PHACTR3: variants seen among roughly 807,000 people sequenced by gnomAD.
PHACTR3 encodes the protein phosphatase and actin regulator 3, also known as protein phosphatase 1, regulatory subunit 123.
In PHACTR3, 16 loss-of-function variants were observed where a neutral mutation model predicts 66.8. That is an observed-to-expected ratio of 0.24 (90% CI 0.16 to 0.36). PHACTR3 has a LOEUF of 0.36. Ranked by LOEUF, PHACTR3 falls within the 10% of genes least tolerant of loss-of-function variation. The probability of loss-of-function intolerance (pLI) is 1.00; values close to 1 mark genes in which losing one functional copy is unlikely to be tolerated. For synonymous variants in PHACTR3, 323 were observed against 292.1 expected (o/e 1.11, Z -1.08); for missense variants, 647 against 719.9 (o/e 0.90, Z 1.16).
chr20:59,599,915 G>A (rs1303449644), upstream of PHACTR3, among the ~76,000 whole-genome samples: 2 of 152,110 alleles, frequency 1.3e-5, no homozygotes, highest in Admixed American at 6.5e-5. Flanking sequence ...TGCCCCACAT[G>A]TCCCTTCTCT....
intron 1 of PHACTR3, among the ~76,000 whole-genome samples, chr20:59,617,709 C>T (rs1199169333): frequency 6.6e-6 from 1 of 152,152 alleles, no homozygotes; most frequent in Non-Finnish European, 1.5e-5. Context: ...GAGAATTAAG[C>T]GGCTTCTGTC....
intron 1 of PHACTR3, among the ~76,000 whole-genome samples, chr20:59,642,207 C>T (rs1164022380): frequency 6.6e-6 from 1 of 152,108 alleles, no homozygotes; most frequent in African/African-American, 2.4e-5. Flanking sequence ...GACAAGGATG[C>T]CACCCCAGCT....
intron 1 of PHACTR3, among the ~76,000 whole-genome samples, chr20:59,616,788 A>G (rs2034040559): frequency 6.6e-6 from 1 of 152,174 alleles, no homozygotes; most frequent in African/African-American, 2.4e-5. Flanking sequence ...CCTTGCAAGT[A>G]GCTGGTTCTG....
intron 10 of PHACTR3, among the ~76,000 whole-genome samples, chr20:59,841,050 T>C (rs1384730044): frequency 1.3e-5 from 2 of 152,228 alleles, no homozygotes. Flanking sequence ...GGACATATAA[T>C]AACTTTATTA....
chr20:59,830,699 A>C lies in PHACTR3; in HGVS notation c.1329-5806A>C, dbSNP rs1052952892. Among the ~76,000 whole-genome samples, 2 of 151,930 alleles carry C rather than the reference A, an allele frequency of 1.3e-5. No individual in the cohort carries two copies. Among genetic ancestry groups the C allele is most frequent in the African/African-American group, 4.8e-5 (2 of 41,352 alleles). ...AATGATGCCACCTATTTGTGTGTCA[A>C]CCTCCTCCTGTATTTAGTGTTCTCG... is the stretch of plus-strand genomic sequence containing the variant. On this transcript the variant is annotated intron_variant, in intron 8 of 12. Coordinates refer to ENST00000371015, the MANE Select transcript of PHACTR3 (RefSeq NM_080672.5). This position sits in a 1 kb window ranked among gnomAD's most constrained non-coding sequence, Gnocchi z 5.8.
chr20:59,625,678 C>G (rs969313713), intron 1 of PHACTR3, among the ~76,000 whole-genome samples: 1 of 152,150 alleles, frequency 6.6e-6, no homozygotes, highest in African/African-American at 2.4e-5. Context: ...TTTTCCTCCT[C>G]TCACCCCAAT....
At chr20:59,642,283 G>A (rs2035130557) in intron 1 of PHACTR3, among the ~76,000 whole-genome samples, 1 of 151,240 alleles carries the variant, frequency 6.6e-6, no homozygotes, top group Non-Finnish European at 1.5e-5. Flanking sequence ...TGCTTGCTTG[G>A]TTGGTATCTG....
chr20:59,609,501 A>G (rs1452070564), intron 1 of PHACTR3, among the ~76,000 whole-genome samples: 2 of 14,496 alleles, frequency 1.4e-4, no homozygotes, highest in Non-Finnish European at 2.7e-4. Context: ...CACCCCCACC[A>G]GGGTTTAGCT....
intron 8 of PHACTR3, among the ~76,000 whole-genome samples, chr20:59,808,501 G>A (rs184749721): frequency 6.6e-6 from 1 of 152,210 alleles, no homozygotes; most frequent in Admixed American, 6.5e-5. Flanking sequence ...GCTGGGCTTG[G>A]TAGACAGTGC....
intron 1 of PHACTR3, among the ~76,000 whole-genome samples, chr20:59,634,564 C>T (rs1354756281): frequency 6.6e-6 from 1 of 152,220 alleles, no homozygotes; most frequent in Non-Finnish European, 1.5e-5. Context: ...GTTGTTTTCA[C>T]ACCGCAGCAA....
At chr20:59,719,768 G>A (rs1386140858) in intron 1 of PHACTR3, among the ~76,000 whole-genome samples, 1 of 152,146 alleles carries the variant, frequency 6.6e-6, no homozygotes, top group Non-Finnish European at 1.5e-5. Flanking sequence ...TCTTCTTCCC[G>A]TTGCATCACT....
intron 1 of PHACTR3, among the ~76,000 whole-genome samples, chr20:59,727,748 A>T (rs1263605878): frequency 6.6e-6 from 1 of 152,188 alleles, no homozygotes; most frequent in Non-Finnish European, 1.5e-5. Context: ...TGTTGACATG[A>T]TGCTCAAAGA....
intron 4 of PHACTR3, among the ~76,000 whole-genome samples, chr20:59,764,366 T>C (rs374037929): frequency 1.3e-5 from 2 of 152,250 alleles, no homozygotes; most frequent in African/African-American, 4.8e-5. Flanking sequence ...GAGCAGACCC[T>C]TGGAGCCTGG....
chr20:59,786,304 G>T (rs1409829745), intron 7 of PHACTR3, among the ~76,000 whole-genome samples: 7 of 152,234 alleles, frequency 4.6e-5, no homozygotes, highest in Admixed American at 2.6e-4. Flanking sequence ...CCTGCTGGAG[G>T]TTCAATTTCC....
At chr20:59,595,482 T>C (rs767214833) in intron 1 of PHACTR3, among the ~76,000 whole-genome samples, 3 of 152,202 alleles carry the variant, frequency 2.0e-5, no homozygotes, top group African/African-American at 4.8e-5. Flanking sequence ...AATTTGTTAA[T>C]GTGAATTTTG....
At chr20:59,647,713 G>A (rs1021415893) in intron 1 of PHACTR3, among the ~76,000 whole-genome samples, 2 of 152,090 alleles carry the variant, frequency 1.3e-5, no homozygotes, top group African/African-American at 4.8e-5. Flanking sequence ...CACACACCCT[G>A]TACAAACTCA....
intron 1 of PHACTR3, among the ~76,000 whole-genome samples, chr20:59,622,561 A>G (rs888312627): frequency 6.6e-6 from 1 of 152,148 alleles, no homozygotes; most frequent in Non-Finnish European, 1.5e-5. Flanking sequence ...GATGGACACT[A>G]TCTCAGGAGG....
chr20:59,761,275 C>T (rs1163343259), intron 4 of PHACTR3, among the ~76,000 whole-genome samples: 1 of 152,130 alleles, frequency 6.6e-6, no homozygotes, highest in African/African-American at 2.4e-5. Context: ...CCCTTAACCA[C>T]TGCCTGGGGC....
intron 1 of PHACTR3, among the ~76,000 whole-genome samples, chr20:59,617,993 G>A (rs1057185782): frequency 1.3e-5 from 2 of 152,230 alleles, no homozygotes; most frequent in African/African-American, 2.4e-5. Flanking sequence ...CTGTGGGGAG[G>A]CTGCCCTGGA....
Sources: allele counts gnomAD v4.1 joint callset (sites outside exome capture counted in the v4.1 genomes callset), GRCh38; gene constraint gnomAD v4.1.1; non-coding constraint Gnocchi (gnomAD v3.1); transcripts MANE v1.5; gene names NCBI Gene and HGNC (gene_info 2026-07-23, HGNC 2026-07-21).